Variants in TENM3 observed in about 807,000 individuals in gnomAD.
TENM3 encodes the protein teneurin transmembrane protein 3.
Under a neutral mutation model 255.1 loss-of-function variants are expected in TENM3, and 63 were observed. That is an observed-to-expected ratio of 0.25 (90% CI 0.20 to 0.30). TENM3 has a LOEUF of 0.30. Ranked by LOEUF, TENM3 falls within the 10% of genes least tolerant of loss-of-function variation. TENM3 has a pLI of 1.00. For synonymous variants in TENM3, 1,306 were observed against 1,322.3 expected (o/e 0.99, Z 0.27); for missense variants, 2,929 against 3,461.1 (o/e 0.85, Z 3.86).
chr4:182,040,826 G>A, the TENM3 span, among the ~76,000 whole-genome samples: 1 of 151,974 alleles, frequency 6.6e-6, no homozygotes, highest in Non-Finnish European at 1.5e-5. Flanking sequence ...GTTGTTGTTT[G>A]TGTGTTCTTG....
In TENM3 at chr4:182,728,970, C is replaced by T. The variant is rs1188248531; in HGVS notation, c.2374C>T (p.Leu792Phe). The change falls in exon 14 of 28, where the codon CTC becomes TTC. Residue 792 changes from leucine (L) to phenylalanine (F), a missense_variant. Transcript: ENST00000511685. ...TDSKDNEGDG[L>F]IDCMDPDCCL... ...GGGAACATTTCTCTCTACAGATGGACTCATTGACTGCATGGATCCCGATTG... is the reference window on the plus strand; with the variant it reads ...GGGAACATTTCTCTCTACAGATGGATTCATTGACTGCATGGATCCCGATTG... The T allele has an allele frequency of 6.2e-7, 1 of 1,613,422 alleles. No individual in the cohort carries two copies. Among genetic ancestry groups the T allele is most frequent in the Non-Finnish European group, 8.5e-7 (1 of 1,179,494 alleles).
At chr4:182,265,268 G>C (rs1435697480) in intron 1 of TENM3, among the ~76,000 whole-genome samples, 1 of 152,116 alleles carries the variant, frequency 6.6e-6, no homozygotes, top group Non-Finnish European at 1.5e-5. Context: ...TTAAGGGATG[G>C]CTAATAGTAG....
chr4:181,673,973 C>A, the TENM3 span, among the ~76,000 whole-genome samples: 6 of 151,612 alleles, frequency 4.0e-5, no homozygotes, highest in Non-Finnish European at 8.8e-5. Flanking sequence ...AGGAGTATGG[C>A]GAATTTCTTT....
chr4:181,964,975 G>A, the TENM3 span, among the ~76,000 whole-genome samples: 2 of 152,074 alleles, frequency 1.3e-5, no homozygotes, highest in Admixed American at 6.6e-5. Context: ...AAGTGTCTAC[G>A]CCAGTGAAAC....
the TENM3 span, among the ~76,000 whole-genome samples, chr4:182,019,517 T>G: frequency 1.3e-5 from 2 of 152,222 alleles, no homozygotes; most frequent in Non-Finnish European, 2.9e-5. Context: ...TGTTTTCCAC[T>G]GCAACATTTT....
At chr4:181,459,235 T>TA in the TENM3 span, among the ~76,000 whole-genome samples, 1 of 151,878 alleles carries the variant, frequency 6.6e-6, no homozygotes, top group Non-Finnish European at 1.5e-5. Context: ...TTTGCCCATT[T>TA]AAAAAATATA....
chr4:181,671,444 C>T, the TENM3 span, among the ~76,000 whole-genome samples: 8,372 of 152,184 alleles, frequency 0.055, 327 homozygotes, highest in Middle Eastern at 0.16. Context: ...GCAAACATAC[C>T]TAAATAACTC....
chr4:181,952,248 G>A, the TENM3 span, among the ~76,000 whole-genome samples: 5 of 152,062 alleles, frequency 3.3e-5, no homozygotes, highest in Admixed American at 1.3e-4. Context: ...CTTTTAAATC[G>A]GAGAGGTTGT....
chr4:182,729,077 A>G lies in TENM3; in HGVS notation c.2481A>G (p.Gln827=), dbSNP rs776204861. Residue 827 remains glutamine (Q), a synonymous_variant, in exon 14 of 28, where the codon CAA becomes CAG. Coordinates refer to ENST00000511685, the MANE Select transcript of TENM3 (RefSeq NM_001080477.4). ...DPQDIISQSL[Q]SPSQQAAKSF... ...AGGACATCATTAGCCAAAGCCTTCA[A>G]TCGCCTTCTCAGCAAGCTGCCAAAT... The G allele has an allele frequency of 4.9e-5, 79 of 1,613,892 alleles. 1 individual carries two copies. The highest frequency in any genetic ancestry group is 6.4e-5 in the Non-Finnish European group (75 of 1,179,906).
the TENM3 span, among the ~76,000 whole-genome samples, chr4:181,739,167 T>A: frequency 6.6e-6 from 1 of 152,228 alleles, no homozygotes; most frequent in South Asian, 2.1e-4. Flanking sequence ...TCCTTGACGT[T>A]GTAATTGCAT....
chr4:181,466,242 C>T, the TENM3 span, among the ~76,000 whole-genome samples: 4 of 151,812 alleles, frequency 2.6e-5, no homozygotes, highest in African/African-American at 9.7e-5. Context: ...CTCAGCCTCC[C>T]GAGTAGCTGG....
At chr4:181,923,120 T>C in the TENM3 span, among the ~76,000 whole-genome samples, 4 of 152,188 alleles carry the variant, frequency 2.6e-5, no homozygotes, top group African/African-American at 9.7e-5. Context: ...TAATTTCTGT[T>C]CTTTTACATT....
intron 4 of TENM3, among the ~76,000 whole-genome samples, chr4:182,622,132 G>A (rs559586350): frequency 1.7e-4 from 26 of 152,088 alleles, no homozygotes; most frequent in East Asian, 7.8e-4. Context: ...AGGCCAAGGC[G>A]GGCAGATCAC....
intron 3 of TENM3, among the ~76,000 whole-genome samples, chr4:182,449,521 T>G (rs1773276311): frequency 6.6e-6 from 1 of 152,168 alleles, no homozygotes; most frequent in African/African-American, 2.4e-5. Flanking sequence ...AGCTGCCCTT[T>G]TGCCTGCATT....
the TENM3 span, among the ~76,000 whole-genome samples, chr4:181,894,996 G>T: frequency 2.0e-5 from 3 of 151,944 alleles, no homozygotes; most frequent in Non-Finnish European, 2.9e-5. Flanking sequence ...TTCAATTGAT[G>T]TCTCCTTTAG....
At chr4:182,671,231 G>A (rs936065101) in intron 6 of TENM3, among the ~76,000 whole-genome samples, 2 of 152,146 alleles carry the variant, frequency 1.3e-5, no homozygotes, top group Non-Finnish European at 2.9e-5. Context: ...TTCTAAATGA[G>A]GTTTAGTATC....
chr4:182,515,392 G>A (rs1024855106), intron 3 of TENM3, among the ~76,000 whole-genome samples: 2 of 152,088 alleles, frequency 1.3e-5, no homozygotes, highest in African/African-American at 4.8e-5. Context: ...TGAACAGGTG[G>A]AAAAACAGTA....
At chr4:182,395,473 A>T (rs1580402866) in intron 3 of TENM3, among the ~76,000 whole-genome samples, 1 of 152,214 alleles carries the variant, frequency 6.6e-6, no homozygotes, top group Admixed American at 6.5e-5. Flanking sequence ...CTAAATTAAT[A>T]TACTGTCTTA....
At chr4:181,509,188 C>T in the TENM3 span, among the ~76,000 whole-genome samples, 2 of 151,988 alleles carry the variant, frequency 1.3e-5, no homozygotes, top group Admixed American at 6.6e-5. Flanking sequence ...CCTATAAAAA[C>T]CCTATCTGTA....
Sources: gnomAD v4.1 joint callset for allele counts (sites outside exome capture counted in the v4.1 genomes callset) on GRCh38, gnomAD v4.1.1 for gene constraint, MANE v1.5 for transcripts, NCBI Gene and HGNC (gene_info 2026-07-23, HGNC 2026-07-21) for gene names.